Variants in CLDN16 observed in about 807,000 individuals in gnomAD.
CLDN16 encodes claudin-16.
In CLDN16, 13 loss-of-function variants were observed where a neutral mutation model predicts 24.6. The observed-to-expected ratio is 0.53, with a 90% CI of 0.34 to 0.84. The LOEUF (loss-of-function observed/expected upper bound fraction) is 0.84. CLDN16 is among the 40% of genes least tolerant of loss of function. CLDN16 has a pLI of 0.01. For synonymous variants in CLDN16, 116 were observed against 106.7 expected (o/e 1.09, Z -0.54); for missense variants, 298 against 292.7 (o/e 1.02, Z -0.13).
intron 1 of CLDN16, among the ~76,000 whole-genome samples, chr3:190,339,035 G>C (rs1717372272): frequency 6.6e-6 from 1 of 152,096 alleles, no homozygotes; most frequent in South Asian, 2.1e-4. Flanking sequence ...ACAAGTGCAG[G>C]GATAAGACAG....
chr3:190,400,379 C>T (rs1009671854), intron 1 of CLDN16, among the ~76,000 whole-genome samples: 4 of 151,960 alleles, frequency 2.6e-5, no homozygotes, highest in Admixed American at 6.5e-5. Flanking sequence ...ATTACAGGCA[C>T]GCACCACCAC....
intron 1 of CLDN16, among the ~76,000 whole-genome samples, chr3:190,357,515 G>C (rs992372274): frequency 2.0e-5 from 3 of 151,652 alleles, no homozygotes; most frequent in Admixed American, 1.3e-4. Flanking sequence ...TGCTCTTGAG[G>C]GATCTTTCTA....
intron 1 of CLDN16, among the ~76,000 whole-genome samples, chr3:190,342,319 T>C (rs111616376): frequency 0.039 from 5,967 of 152,222 alleles, 391 homozygotes; most frequent in African/African-American, 0.13. Context: ...GCATCACAAT[T>C]ATGGCAGAAG....
chr3:190,376,545 CAA>C (rs1416571376), intron 3 of CLDN16, among the ~76,000 whole-genome samples: 1 of 151,680 alleles, frequency 6.6e-6, no homozygotes, highest in Non-Finnish European at 1.5e-5. Flanking sequence ...TAATTTTAAC[CAA>C]AAGAGTCTGA....
At chr3:190,336,540 C>G (rs971374948) in intron 1 of CLDN16, among the ~76,000 whole-genome samples, 13 of 152,158 alleles carry the variant, frequency 8.5e-5, no homozygotes, top group Non-Finnish European at 1.8e-4. Flanking sequence ...GTGGAAAGTT[C>G]CCCGTTTTCA....
intron 1 of CLDN16, among the ~76,000 whole-genome samples, chr3:190,344,803 A>G (rs1717517121): frequency 6.6e-6 from 1 of 152,154 alleles, no homozygotes; most frequent in Non-Finnish European, 1.5e-5. Flanking sequence ...GCCAAGCTGT[A>G]AAAGGGGGTC....
chr3:190,409,899 A>G lies in CLDN16; in HGVS notation c.575-4A>G. 6.2e-7 allele frequency: 1 copy of G among 1,613,774 alleles called. No homozygotes were observed. The highest frequency in any genetic ancestry group is 2.2e-5 in the East Asian group (1 of 44,866). The stretch of plus-strand genomic sequence containing the variant: ...CTACTTATTTTTATATTTCTTTCAA[A>G]CAGATGTTGGACCTGAGAGAAACTA... On this transcript the variant is annotated splice_region_variant and splice_polypyrimidine_tract_variant and intron_variant, in intron 4 of 4. Transcript: ENST00000264734.
chr3:190,390,464 G>A (rs909441683), intron 1 of CLDN16, among the ~76,000 whole-genome samples: 1 of 152,150 alleles, frequency 6.6e-6, no homozygotes, highest in African/African-American at 2.4e-5. Context: ...AACTAGGGAG[G>A]AGGAGGTTGC....
chr3:190,316,746 T>C, the CLDN16 span, among the ~76,000 whole-genome samples: 4 of 152,308 alleles, frequency 2.6e-5, no homozygotes, highest in South Asian at 8.3e-4. Flanking sequence ...TTTCAATAAA[T>C]TTAAATTAGA....
chr3:190,305,882 T>C, the CLDN16 span: 1 of 152,142 alleles, frequency 6.6e-6, no homozygotes, highest in African/African-American at 2.4e-5. Context: ...GGCCATAAAA[T>C]TTTTTTGTAA....
At chr3:190,367,348 A>G (rs1718045243) in intron 1 of CLDN16, among the ~76,000 whole-genome samples, 1 of 151,942 alleles carries the variant, frequency 6.6e-6, no homozygotes, top group South Asian at 2.1e-4. Flanking sequence ...TTAATATTCA[A>G]AATTATAGGC....
At chr3:190,342,232 A>T (rs960219563) in intron 1 of CLDN16, among the ~76,000 whole-genome samples, 3 of 152,158 alleles carry the variant, frequency 2.0e-5, no homozygotes, top group Admixed American at 6.5e-5. Context: ...CATGCTGCTG[A>T]TAAGGACATA....
intron 3 of CLDN16, among the ~76,000 whole-genome samples, chr3:190,375,749 T>C (rs1240072683): frequency 6.6e-6 from 1 of 151,900 alleles, no homozygotes; most frequent in African/African-American, 2.4e-5. Flanking sequence ...AATGAGTGCC[T>C]CACAGGTTTT....
At chr3:190,313,203 T>C in the CLDN16 span, 1 of 655,976 alleles carries the variant, frequency 1.5e-6, no homozygotes, top group South Asian at 1.9e-5. Context: ...ATATACAGTA[T>C]CTTCTCCAGA....
At chr3:190,361,910 C>G (rs1272165360) in intron 1 of CLDN16, among the ~76,000 whole-genome samples, 4 of 150,658 alleles carry the variant, frequency 2.7e-5, no homozygotes, top group African/African-American at 9.7e-5. Context: ...AAGAAATGGG[C>G]AATATGGCAC....
intron 3 of CLDN16, among the ~76,000 whole-genome samples, chr3:190,381,845 C>A (rs1718379085): frequency 2.6e-5 from 4 of 151,918 alleles, no homozygotes. Flanking sequence ...TGTTTCCTTG[C>A]CCAACATGGA....
At chr3:190,338,896 A>C (rs1717369107) in intron 1 of CLDN16, among the ~76,000 whole-genome samples, 1 of 152,126 alleles carries the variant, frequency 6.6e-6, no homozygotes, top group Non-Finnish European at 1.5e-5. Context: ...TGGTACACTC[A>C]TACCCCTGCA....
intron 1 of CLDN16, among the ~76,000 whole-genome samples, chr3:190,343,890 T>G (rs74426524): frequency 0.039 from 5,963 of 152,118 alleles, 393 homozygotes; most frequent in African/African-American, 0.13. Flanking sequence ...TTGAAAGATC[T>G]AATGTACAAA....
Position 190,404,796 on chromosome 3 carries a change from T to C in CLDN16, c.252T>C (p.Thr84=). 6.2e-7 allele frequency: 1 copy of C among 1,614,206 alleles called. No homozygotes were observed. The highest frequency in any genetic ancestry group is 8.5e-7 in the Non-Finnish European group (1 of 1,180,042). ...KLVVTRALMI[T]ADILAGFGFL... is the part of the protein sequence containing the mutation. ...TGGTAACTCGAGCGTTGATGATTAC[T>C]GCAGATATTCTAGCTGGGTTTGGAT... The change falls in exon 3 of 5, where the codon ACT becomes ACC. Residue 84 remains threonine, a synonymous_variant. Transcript: ENST00000264734.
Sources: allele counts gnomAD v4.1 joint callset (sites outside exome capture counted in the v4.1 genomes callset), GRCh38; gene constraint gnomAD v4.1.1; transcripts MANE v1.5; gene names NCBI Gene and HGNC (gene_info 2026-07-23, HGNC 2026-07-21).